RHOBTB2: variants seen among roughly 807,000 people sequenced by gnomAD.
RHOBTB2 encodes the protein Rho related BTB domain containing 2, also known as rho-related BTB domain-containing protein 2.
Under a neutral mutation model 66.5 loss-of-function variants are expected in RHOBTB2, and 39 were observed. The ratio of observed to expected loss-of-function variants is 0.59; its 90% CI spans 0.45 to 0.77. The LOEUF (loss-of-function observed/expected upper bound fraction) is 0.77. RHOBTB2 is among the 30% of genes least tolerant of loss of function. The pLI, the probability that RHOBTB2 is intolerant of heterozygous loss-of-function variation, is 0.00. For missense variants in RHOBTB2, 755 were observed against 999.1 expected (o/e 0.76, Z 3.29); for synonymous variants, 390 against 395.0 (o/e 0.99, Z 0.15).
Position 23,004,651 on chromosome 8 carries a change from G to A in RHOBTB2, c.192+25G>A. 1 of 1,594,620 alleles carries A rather than the reference G, an allele frequency of 6.3e-7. No homozygotes were observed. Among genetic ancestry groups the A allele is most frequent in the Non-Finnish European group, 8.5e-7 (1 of 1,170,572 alleles). On this transcript the variant is annotated intron_variant, in intron 2 of 9. Transcript: ENST00000251822. This position sits in a 1 kb window ranked among gnomAD's most constrained non-coding sequence, Gnocchi z 6.4. ...GGTAAGGCTGCAGGACTACCTGGCT[G>A]GGGGTCCACGCCATGAGTCTGGGCT... is the stretch of plus-strand genomic sequence containing the variant.
At chr8:22,958,892 GTA>G in the RHOBTB2 span, among the ~76,000 whole-genome samples, 1 of 151,856 alleles carries the variant, frequency 6.6e-6, no homozygotes, top group South Asian at 2.1e-4. Context: ...CCAGAATGGG[GTA>G]AGCCAGCATC....
intron 1 of RHOBTB2, among the ~76,000 whole-genome samples, chr8:22,990,567 A>G (rs1810400733): frequency 6.6e-6 from 1 of 152,238 alleles, no homozygotes; most frequent in East Asian, 1.9e-4. Context: ...TTCCACCAGC[A>G]GCCCAGGCTC....
chr8:23,009,861 C>T (rs1165317032), intron 6 of RHOBTB2, among the ~76,000 whole-genome samples: 2 of 152,168 alleles, frequency 1.3e-5, no homozygotes, highest in African/African-American at 2.4e-5. Context: ...GTACTGTAGA[C>T]GCCAGCTTTA....
the RHOBTB2 span, among the ~76,000 whole-genome samples, chr8:22,981,549 G>T: frequency 6.6e-6 from 1 of 152,196 alleles, no homozygotes; most frequent in South Asian, 2.1e-4. Flanking sequence ...ATTTGAATAA[G>T]ACACCAGGTC....
chr8:23,002,034 G>T (rs1810800532), intron 1 of RHOBTB2, among the ~76,000 whole-genome samples: 1 of 152,218 alleles, frequency 6.6e-6, no homozygotes, highest in Non-Finnish European at 1.5e-5. Flanking sequence ...CTCTGCTGGT[G>T]TTCTGGCATT....
the RHOBTB2 span, among the ~76,000 whole-genome samples, chr8:22,972,567 C>A: frequency 3.9e-5 from 6 of 152,232 alleles, no homozygotes; most frequent in African/African-American, 1.4e-4. Context: ...GCCCTGCAAC[C>A]AGAGAGATCT....
At chr8:22,968,389 T>C in the RHOBTB2 span, among the ~76,000 whole-genome samples, 23 of 152,206 alleles carry the variant, frequency 1.5e-4, no homozygotes, top group African/African-American at 5.3e-4. Flanking sequence ...ATCGAATAAA[T>C]GGAGATACAT....
the RHOBTB2 span, among the ~76,000 whole-genome samples, chr8:22,970,403 T>G: frequency 6.6e-6 from 1 of 152,130 alleles, no homozygotes; most frequent in African/African-American, 2.4e-5. Context: ...GGCCATTATG[T>G]TTCAACATAT....
the RHOBTB2 span, among the ~76,000 whole-genome samples, chr8:22,955,564 C>CTTTTTTTTTTTTTTTTTT: frequency 9.6e-6 from 1 of 103,970 alleles, no homozygotes; most frequent in Non-Finnish European, 1.9e-5. Context: ...TTCAATAAAT[C>CTTTTTTTTTTTTTTTTTT]TTTTTTTTTT....
At chr8:22,994,759 T>C (rs560664143), upstream of RHOBTB2, 1 of 692,514 alleles carries the variant, frequency 1.4e-6, no homozygotes, top group Non-Finnish European at 2.5e-6. Flanking sequence ...TAGACCAACA[T>C]AAAAAAAAAT....
chr8:22,994,973 C>A (rs1231134440), upstream of RHOBTB2, among the ~76,000 whole-genome samples: 2 of 152,192 alleles, frequency 1.3e-5, no homozygotes, highest in Non-Finnish European at 2.9e-5. Context: ...ACCTTGTTGG[C>A]CAGGCTGGTC....
the RHOBTB2 span, among the ~76,000 whole-genome samples, chr8:22,951,397 TAA>T: frequency 1.3e-5 from 2 of 152,020 alleles, no homozygotes; most frequent in African/African-American, 4.8e-5. Context: ...CGCATCCATG[TAA>T]AGAGTCCACC....
At chr8:22,973,263 C>G in the RHOBTB2 span, among the ~76,000 whole-genome samples, 2 of 152,292 alleles carry the variant, frequency 1.3e-5, no homozygotes, top group East Asian at 1.9e-4. Flanking sequence ...GGGTCTCACT[C>G]CCTTGCCCAA....
At chr8:22,978,254 C>T in the RHOBTB2 span, 3 of 151,838 alleles carry the variant, frequency 2.0e-5, no homozygotes, top group South Asian at 2.1e-4. Context: ...CCAAAAAATA[C>T]CCCAAAATTT....
In RHOBTB2 at chr8:22,993,141, G is replaced by A. The variant is rs114465458; in HGVS notation, c.-24+961G>A. On this transcript the variant is annotated intron_variant, in intron 2 of 11. Coordinates refer to the RHOBTB2 transcript ENST00000519685. ...GAGCCAAGGTGCGCATGGGATTTAT[G>A]GGATTTTTCTTTTTTTCTTTCTTTT... Among the ~76,000 whole-genome samples the A allele has an allele frequency of 3.1e-3, 479 of 152,238 alleles. 5 individuals are homozygous for A. The highest frequency in any genetic ancestry group is 0.011 in the African/African-American group (462 of 41,528).
At chr8:22,968,355 G>A in the RHOBTB2 span, among the ~76,000 whole-genome samples, 2 of 151,828 alleles carry the variant, frequency 1.3e-5, no homozygotes, top group African/African-American at 2.4e-5. Context: ...GTTTATTAAA[G>A]AAATCTTAAC....
upstream of RHOBTB2, among the ~76,000 whole-genome samples, chr8:22,997,360 C>A (rs528246911): frequency 6.6e-6 from 1 of 152,264 alleles, no homozygotes; most frequent in African/African-American, 2.4e-5. Flanking sequence ...AAAGAGGGAA[C>A]TGCATGCAAA....
the RHOBTB2 span, among the ~76,000 whole-genome samples, chr8:22,978,781 C>CA: frequency 6.6e-6 from 1 of 151,420 alleles, no homozygotes; most frequent in Non-Finnish European, 1.5e-5. Flanking sequence ...GATAAAAAAG[C>CA]AAAAAACATA....
chr8:22,960,032 A>T, the RHOBTB2 span, among the ~76,000 whole-genome samples: 3 of 149,336 alleles, frequency 2.0e-5, no homozygotes, highest in African/African-American at 7.4e-5. Context: ...TACAAAAAAA[A>T]CCTAGCCAGG....
Sources: gnomAD v4.1 joint callset for allele counts (sites outside exome capture counted in the v4.1 genomes callset) on GRCh38, gnomAD v4.1.1 for gene constraint, Gnocchi (gnomAD v3.1) non-coding constraint, MANE v1.5 for transcripts, NCBI Gene and HGNC (gene_info 2026-07-23, HGNC 2026-07-21) for gene names.